Variants in WDFY3 observed in about 807,000 individuals in gnomAD.
The protein encoded by WDFY3 is WD repeat and FYVE domain containing 3.
Under a neutral mutation model 409.6 loss-of-function variants are expected in WDFY3, and 66 were observed. That is an observed-to-expected ratio of 0.16 (90% CI 0.13 to 0.20). WDFY3 has a LOEUF of 0.20. Among genes scored for constraint, WDFY3 ranks in the 10% least tolerant of loss-of-function variants. The pLI, the probability that WDFY3 is intolerant of heterozygous loss-of-function variation, is 1.00. For missense variants in WDFY3, 3,031 were observed against 4,298.1 expected (o/e 0.71, Z 8.24); for synonymous variants, 1,521 against 1,537.1 (o/e 0.99, Z 0.25).
intron 29 of WDFY3, among the ~76,000 whole-genome samples, chr4:84,774,299 TTC>T (rs1745185609): frequency 6.6e-6 from 1 of 152,228 alleles, no homozygotes; most frequent in African/African-American, 2.4e-5. Flanking sequence ...ATAAGAACAT[TTC>T]TACAGACATG....
intron 21 of WDFY3, among the ~76,000 whole-genome samples, chr4:84,791,842 C>T (rs1287419574): frequency 1.3e-5 from 2 of 152,136 alleles, no homozygotes; most frequent in East Asian, 3.9e-4. Flanking sequence ...AATCTGGCTC[C>T]TTTTTGCTAC....
At chr4:84,701,539 A>G (rs1407321057) in intron 56 of WDFY3, among the ~76,000 whole-genome samples, 2 of 152,216 alleles carry the variant, frequency 1.3e-5, no homozygotes, top group Non-Finnish European at 2.9e-5. Context: ...GGAATGAAAA[A>G]AATATAAAAC....
At position 84,950,607 on chromosome 4, in the gene WDFY3, C is replaced by T. The variant is rs180673830; in HGVS notation, c.-226+15602G>A. 7.9e-3 allele frequency among the ~76,000 whole-genome samples: 1,195 copies of T among 152,110 alleles called. 14 individuals are homozygous for T. The highest frequency in any genetic ancestry group is 0.028 in the African/African-American group (1,151 of 41,486). On this transcript the variant is annotated intron_variant, in intron 1 of 67. Coordinates refer to ENST00000295888, the MANE Select transcript of WDFY3 (RefSeq NM_014991.6). ...GAGATCGAGACCATCCTGATTAACA[C>T]GGTGAAACCCCGTCTCTATTAAAAT...
At chr4:84,800,720 ATGAAAC>A (rs1201007567) in intron 17 of WDFY3, among the ~76,000 whole-genome samples, 1 of 152,208 alleles carries the variant, frequency 6.6e-6, no homozygotes, top group Non-Finnish European at 1.5e-5. Flanking sequence ...TGGTTTCAGA[ATGAAAC>A]TGTTCCACCT....
intron 32 of WDFY3, among the ~76,000 whole-genome samples, chr4:84,761,086 G>T (rs947305082): frequency 9.1e-4 from 139 of 152,198 alleles, no homozygotes; most frequent in African/African-American, 3.2e-3. Context: ...TCAGGAGCAG[G>T]TTGTTCAGTT....
At chr4:84,835,145 G>A (rs548585626) in intron 7 of WDFY3, among the ~76,000 whole-genome samples, 3 of 152,140 alleles carry the variant, frequency 2.0e-5, no homozygotes, top group Admixed American at 6.6e-5. Flanking sequence ...CCACATGATC[G>A]AAAGTCAGCA....
chr4:84,961,898 T>TCA (rs1436874108), intron 1 of WDFY3, among the ~76,000 whole-genome samples: 12 of 152,230 alleles, frequency 7.9e-5, no homozygotes, highest in African/African-American at 2.9e-4. Context: ...ATAAAAAGGT[T>TCA]ACTGATATTA....
At chr4:84,875,421 A>G (rs1164526857) in intron 3 of WDFY3, among the ~76,000 whole-genome samples, 2 of 152,180 alleles carry the variant, frequency 1.3e-5, no homozygotes, top group Non-Finnish European at 2.9e-5. Flanking sequence ...GTGAGTGAGC[A>G]GTGAATGAAC....
At chr4:84,851,951 C>G (rs1759086554) in intron 4 of WDFY3, among the ~76,000 whole-genome samples, 1 of 152,120 alleles carries the variant, frequency 6.6e-6, no homozygotes, top group African/African-American at 2.4e-5. Context: ...TAATAATATA[C>G]TATTCACAAT....
intron 8 of WDFY3, among the ~76,000 whole-genome samples, chr4:84,830,504 A>G (rs1363743564): frequency 6.6e-6 from 1 of 152,210 alleles, no homozygotes; most frequent in Admixed American, 6.5e-5. Context: ...TTCGACTTAC[A>G]CTATTTTCAA....
chr4:84,908,422 A>G (rs1767329102), intron 2 of WDFY3, among the ~76,000 whole-genome samples: 1 of 152,230 alleles, frequency 6.6e-6, no homozygotes, highest in East Asian at 1.9e-4. Flanking sequence ...AATATTCAGA[A>G]CAAATAAAAG....
At chr4:84,932,480 G>A (rs905422521) in intron 1 of WDFY3, 117 bp from the exon 2 acceptor site, 9 of 152,034 alleles carry the variant, frequency 5.9e-5, no homozygotes, top group Admixed American at 5.9e-4. Context: ...TTTAATAATG[G>A]AACATATAGC....
At chr4:84,793,681 A>G (rs992427081) in intron 21 of WDFY3, among the ~76,000 whole-genome samples, 3 of 152,224 alleles carry the variant, frequency 2.0e-5, no homozygotes, top group Admixed American at 6.5e-5. Flanking sequence ...ACAGGACTAC[A>G]TGCTACTAAA....
At position 84,679,096 on chromosome 4, in the gene WDFY3, T is replaced by G. The variant is rs901958364; in HGVS notation, c.9970A>C (p.Thr3324Pro). The G allele has an allele frequency of 6.2e-7, 1 of 1,614,064 alleles. No homozygotes were observed. The highest frequency in any genetic ancestry group is 8.5e-7 in the Non-Finnish European group (1 of 1,180,042). ...CTGGAGTCGTCAGAGCCACTGTCAG[T>G]ACACCAGGCGGCTGTTGCGCGGCAG... Reference protein sequence around the residue: ...ASCRATAAWCTDSGSDDSRRW... With the variant: ...ASCRATAAWCPDSGSDDSRRW... Residue 3324 changes from threonine (T) to proline (P), a missense_variant, in exon 65 of 68, where the codon ACT becomes CCT. Around this residue, in one of 16 missense-constraint regions of WDFY3, gnomAD observed 378 missense variants for 477.3 expected, o/e 0.79. Transcript: ENST00000295888.
chr4:84,831,873 C>G (rs530190045), intron 7 of WDFY3, among the ~76,000 whole-genome samples: 32 of 152,192 alleles, frequency 2.1e-4, no homozygotes, highest in African/African-American at 7.7e-4. Flanking sequence ...AGGGGAACTC[C>G]TATATACTGT....
At chr4:84,737,712 G>C (rs1489204754) in intron 40 of WDFY3, among the ~76,000 whole-genome samples, 1 of 152,168 alleles carries the variant, frequency 6.6e-6, no homozygotes, top group Non-Finnish European at 1.5e-5. Context: ...TTTAAGGTGA[G>C]TTCAAAACTA....
intron 56 of WDFY3, among the ~76,000 whole-genome samples, 191 bp downstream of exon 56, chr4:84,702,162 C>T (rs968493467): frequency 6.6e-6 from 1 of 152,190 alleles, no homozygotes; most frequent in Non-Finnish European, 1.5e-5. Context: ...TGCCCACCAC[C>T]ACGTCTGGCT....
intron 3 of WDFY3, among the ~76,000 whole-genome samples, chr4:84,887,447 C>A (rs970819485): frequency 1.3e-5 from 2 of 152,172 alleles, no homozygotes; most frequent in Non-Finnish European, 2.9e-5. Context: ...AAAACACCAG[C>A]CATTCTTTCC....
At chr4:84,916,823 C>A (rs1768553402) in intron 2 of WDFY3, among the ~76,000 whole-genome samples, 1 of 152,216 alleles carries the variant, frequency 6.6e-6, no homozygotes, top group African/African-American at 2.4e-5. Flanking sequence ...TTCCATTAAG[C>A]AAATTAGAAT....
Sources: allele counts gnomAD v4.1 joint callset (sites outside exome capture counted in the v4.1 genomes callset), GRCh38; gene constraint gnomAD v4.1.1; regional missense constraint gnomAD v4.1.1; transcripts MANE v1.5; gene names NCBI Gene and HGNC (gene_info 2026-07-23, HGNC 2026-07-21).